PALS2: variants seen among roughly 807,000 people sequenced by gnomAD.
The protein encoded by PALS2 is protein PALS2.
In PALS2, 27 loss-of-function variants were observed where a neutral mutation model predicts 61.6. The observed-to-expected ratio is 0.44, with a 90% confidence interval of 0.32 to 0.60. The LOEUF (loss-of-function observed/expected upper bound fraction) is 0.60, where lower values mean the gene tolerates loss of function less well. Ranked by LOEUF, PALS2 falls within the 20% of genes least tolerant of loss-of-function variation. The pLI, the probability that PALS2 is intolerant of heterozygous loss-of-function variation, is 0.05. For missense variants in PALS2, 554 were observed against 639.4 expected (o/e 0.87, Z 1.44); for synonymous variants, 236 against 218.6 (o/e 1.08, Z -0.70).
At chr7:24,607,934 G>A (rs1304202578) in intron 1 of PALS2, among the ~76,000 whole-genome samples, 1 of 152,094 alleles carries the variant, frequency 6.6e-6, no homozygotes, top group Non-Finnish European at 1.5e-5. Flanking sequence ...GTGTAAATTT[G>A]TCTAAAAGGC....
intron 1 of PALS2, among the ~76,000 whole-genome samples, chr7:24,586,609 T>C (rs909348084): frequency 1.3e-5 from 2 of 152,172 alleles, no homozygotes; most frequent in African/African-American, 4.8e-5. Context: ...TTAGGTTGAA[T>C]AGATGGAAAG....
intron 9 of PALS2, among the ~76,000 whole-genome samples, chr7:24,673,529 C>T (rs1464240860): frequency 6.6e-6 from 1 of 152,040 alleles, no homozygotes; most frequent in Admixed American, 6.6e-5. Flanking sequence ...TGACCCTGGG[C>T]TTTTCTTTGT....
intron 3 of PALS2, among the ~76,000 whole-genome samples, chr7:24,643,248 C>T (rs1785655670): frequency 6.6e-6 from 1 of 151,984 alleles, no homozygotes; most frequent in African/African-American, 2.4e-5. Flanking sequence ...TTCAGGAATG[C>T]TACTTATTAT....
intron 1 of PALS2, among the ~76,000 whole-genome samples, chr7:24,585,290 T>C (rs369603953): frequency 0.037 from 5,477 of 147,856 alleles, 151 homozygotes; most frequent in African/African-American, 0.064. Flanking sequence ...TCTTCCTACC[T>C]ATGAGCGTGG....
In PALS2 at chr7:24,650,500, G is replaced by A; in HGVS notation, c.439G>A (p.Val147Ile). ...TTTTTCATAGGGTGTGACATTTAGG[G>A]TTGAAAATAATGATCTGGTAATTGC... ...AGEPLGVTFR[V>I]ENNDLVIARI... Residue 147 changes from valine (V) to isoleucine (I), a missense_variant, in exon 5 of 12, where the codon GTT becomes ATT. Physicochemically the swap from Val to Ile is conservative, Grantham distance 29. Coordinates refer to ENST00000222644, the MANE Select transcript of PALS2 (RefSeq NM_001303037.2). The A allele has an allele frequency of 3.7e-6, 6 of 1,600,866 alleles. No individual in the cohort carries two copies. Among genetic ancestry groups the A allele is most frequent in the Non-Finnish European group, 5.1e-6 (6 of 1,175,876 alleles).
chr7:24,654,834 C>G (rs1365296854), intron 5 of PALS2, among the ~76,000 whole-genome samples: 1 of 152,100 alleles, frequency 6.6e-6, no homozygotes, highest in African/African-American at 2.4e-5. Context: ...GAAGAGACAG[C>G]ATGATCAATG....
At chr7:24,668,700 A>G (rs775337723) in intron 9 of PALS2, 40 bp downstream of exon 9, 1 of 1,605,272 alleles carries the variant, frequency 6.2e-7, no homozygotes, top group Admixed American at 1.7e-5. Context: ...AATTGGCAGG[A>G]AAGAGTATGG....
At position 24,675,680 on chromosome 7, in the gene PALS2, T is replaced by C. The variant is rs537014290; in HGVS notation, c.1115-3451T>C. Among the ~76,000 whole-genome samples, 878 of 141,624 alleles carry C rather than the reference T, an allele frequency of 6.2e-3. 7 individuals carry two copies. The highest frequency in any genetic ancestry group is 0.013 in the East Asian group (59 of 4,676). 92.9% of individuals were successfully genotyped at this position (141,624 alleles called of 152,430 possible). On this transcript the variant is annotated intron_variant, in intron 9 of 11. Coordinates refer to ENST00000222644, the MANE Select transcript of PALS2 (RefSeq NM_001303037.2). ...TCTTGCGATAGTTTACTGAGAATGA[T>C]GATTTCCAATTTCATCCATGTCCCT... is the stretch of plus-strand genomic sequence containing the variant.
intron 9 of PALS2, among the ~76,000 whole-genome samples, chr7:24,676,588 A>G (rs932887099): frequency 6.6e-6 from 1 of 151,962 alleles, no homozygotes; most frequent in Non-Finnish European, 1.5e-5. Context: ...TCAGCTTTCT[A>G]TGTATGGCTA....
At position 24,687,738 on chromosome 7, in the gene PALS2, G is replaced by A. The variant is rs1788281834; in HGVS notation, c.*124G>A. On this transcript the variant is annotated 3_prime_UTR_variant, in exon 12 of 12. Transcript: ENST00000222644. The surrounding 1 kb of genome is among the most constrained non-coding windows in gnomAD (Gnocchi z 4.5). ...TGCTAAGTCCAGGCATTTTTATGGT[G>A]TAGATTGAAATAATAGTACACTTCT... 2.1e-6 allele frequency: 2 copies of A among 954,544 alleles called. No individual in the cohort carries two copies. Among genetic ancestry groups the A allele is most frequent in the South Asian group, 2.1e-5 (1 of 47,662 alleles). The allele number at this position is 954,544 out of a possible 1,614,324, so 59.1% of individuals were successfully genotyped here. A position where few individuals can be genotyped will look rare whatever the true frequency, so the allele number is the denominator to read the frequency against.
At chr7:24,681,844 C>T (rs1787953062) in intron 11 of PALS2, among the ~76,000 whole-genome samples, 1 of 152,128 alleles carries the variant, frequency 6.6e-6, no homozygotes, top group Non-Finnish European at 1.5e-5. Context: ...GATTATATGC[C>T]ATGAAATCAG....
chr7:24,609,737 A>T (rs1322047584), intron 1 of PALS2, among the ~76,000 whole-genome samples: 2 of 151,776 alleles, frequency 1.3e-5, no homozygotes, highest in Non-Finnish European at 2.9e-5. Flanking sequence ...CCCCATTCAG[A>T]GCCCTCCCCA....
chr7:24,604,297 G>A (rs1783821830), intron 1 of PALS2, among the ~76,000 whole-genome samples: 1 of 150,956 alleles, frequency 6.6e-6, no homozygotes, highest in Non-Finnish European at 1.5e-5. Flanking sequence ...GAGAACCTCA[G>A]TAAAGAAGCA....
rs976176497 is a variant in PALS2 at position 24,581,285 on chromosome 7, G to C, written c.-3+7692G>C. Among the ~76,000 whole-genome samples the C allele has an allele frequency of 4.3e-5, 6 of 139,378 alleles. No homozygotes were observed. In the East Asian group the frequency reaches 1.4e-3, roughly 32 times the overall value. 91.4% of individuals were successfully genotyped at this position (139,378 alleles called of 152,430 possible). ...TGTGTGTGTGTGTGTGTGTGTGTGTGTGTGTCAGAGAGAAAGGGAAATCTC... is the reference window on the plus strand; with the variant it reads ...TGTGTGTGTGTGTGTGTGTGTGTGTCTGTGTCAGAGAGAAAGGGAAATCTC... On this transcript the variant is annotated intron_variant, in intron 1 of 11. Transcript: ENST00000222644.
At chr7:24,617,341 G>A (rs548043353) in intron 1 of PALS2, among the ~76,000 whole-genome samples, 23 of 151,958 alleles carry the variant, frequency 1.5e-4, no homozygotes, top group African/African-American at 4.8e-4. Flanking sequence ...GTTTCCTTAC[G>A]ATTATTATTT....
intron 6 of PALS2, among the ~76,000 whole-genome samples, chr7:24,664,171 A>G (rs952347369): frequency 1.2e-4 from 19 of 152,172 alleles, no homozygotes; most frequent in East Asian, 3.9e-4. Flanking sequence ...CTTAATGTCT[A>G]TTTGCTCCCC....
chr7:24,599,554 G>T (rs1450340796), intron 1 of PALS2, among the ~76,000 whole-genome samples: 1 of 144,186 alleles, frequency 6.9e-6, no homozygotes, highest in African/African-American at 2.6e-5. Flanking sequence ...ACCCAGGCTG[G>T]AGTGGAGTGG....
At chr7:24,604,748 C>A (rs963040556) in intron 1 of PALS2, among the ~76,000 whole-genome samples, 2 of 152,224 alleles carry the variant, frequency 1.3e-5, no homozygotes, top group African/African-American at 4.8e-5. Flanking sequence ...GGGGCTCCAC[C>A]CTCATGACCT....
Position 24,640,629 on chromosome 7 carries a change from G to A in PALS2, c.118-1087G>A, listed in dbSNP as rs142472999. Among the ~76,000 whole-genome samples, 474 of 152,280 alleles carry A rather than the reference G, an allele frequency of 3.1e-3. 6 individuals carry two copies. Among genetic ancestry groups the A allele is most frequent in the African/African-American group, 0.011 (455 of 41,554 alleles). ...TAGCAACCATTTATCAGAAAAGCAA[G>A]GAATGCTTAAAAGTTGGAGCCGCTT... On this transcript the variant is annotated intron_variant, in intron 2 of 11. Coordinates refer to ENST00000222644, the MANE Select transcript of PALS2 (RefSeq NM_001303037.2).
Sources: allele counts gnomAD v4.1 joint callset (sites outside exome capture counted in the v4.1 genomes callset), GRCh38; gene constraint gnomAD v4.1.1; non-coding constraint Gnocchi (gnomAD v3.1); transcripts MANE v1.5; gene names NCBI Gene and HGNC (gene_info 2026-07-23, HGNC 2026-07-21).